The following TEX46 variants were observed in gnomAD, a reference collection of about 807,000 sequenced individuals.
TEX46 encodes testis expressed 46.
A neutral mutation model predicts 5.3 loss-of-function variants in TEX46; 6 were observed. That is an observed-to-expected ratio of 1.13 (90% CI 0.62 to 2.23). The LOEUF (loss-of-function observed/expected upper bound fraction) is 2.23, where lower values mean the gene tolerates loss of function less well. TEX46 is among the 30% of genes most tolerant of loss of function. TEX46 has a pLI of 0.00. For synonymous variants in TEX46, 41 were observed against 54.6 expected, an observed-to-expected ratio of 0.75 and a Z score of 1.10; for missense variants, 131 against 150.9, an observed-to-expected ratio of 0.87 and a Z score of 0.69.
chr1:23,015,760 G>T lies in TEX46; in HGVS notation c.2+12C>A. The T allele has an allele frequency of 1.4e-6, 1 of 697,836 alleles. No individual in the cohort carries two copies. Among genetic ancestry groups the T allele is most frequent in the South Asian group, 1.5e-5 (1 of 66,694 alleles). 43.2% of individuals were successfully genotyped at this position (697,836 alleles called of 1,614,324 possible). On this transcript the variant is annotated intron_variant, in intron 1 of 2. Transcript: ENST00000566855. ...CACAAAAAAAAAACAAATACCGTAT[G>T]ATTCCACTTACATGAGCTATCTACA...
chr1:23,013,739 A>G, intron 2 of TEX46, 144 bp downstream of exon 2: 1 of 706,312 alleles, frequency 1.4e-6, no homozygotes, highest in Non-Finnish European at 2.3e-6. Flanking sequence ...CCTAAGAGGA[A>G]GCTGTAGAGT....
Position 23,015,837 on chromosome 1 carries a change from A to AAGGAGGG in TEX46, c.-71_-65dup. 1 of 676,932 alleles carries AAGGAGGG rather than the reference A, an allele frequency of 1.5e-6. No homozygotes were observed. 41.9% of individuals were successfully genotyped at this position (676,932 alleles called of 1,614,324 possible). ...TAGAATGGTGGCTGCCAGGGTCTGG[A>AAGGAGGG]AGGAGGGGCAAATGTAGTCATTGTT... On this transcript the variant is annotated 5_prime_UTR_variant, in exon 1 of 3. Transcript: ENST00000566855.
At chr1:23,012,360 A>T (rs77675521) in intron 2 of TEX46, among the ~76,000 whole-genome samples, 5 of 10,088 alleles carry the variant, frequency 5.0e-4, no homozygotes, top group East Asian at 5.4e-3. Context: ...TAAATACATA[A>T]AAAAAAAAAA....
At position 23,010,862 on chromosome 1, in the gene TEX46, A is replaced by C. The variant is rs1641343375; in HGVS notation, c.*39T>G. 1.4e-6 allele frequency: 2 copies of C among 1,462,894 alleles called. No individual in the cohort carries two copies. The highest frequency in any genetic ancestry group is 1.8e-6 in the Non-Finnish European group (2 of 1,087,388). 90.6% of individuals were successfully genotyped at this position (1,462,894 alleles called of 1,614,324 possible). ...GCTGTGACTGGGTTTTACTGAGGTA[A>C]AAGGTAACATCGGCAGAGGCCAGCC... On this transcript the variant is annotated 3_prime_UTR_variant, in exon 3 of 3. Coordinates refer to ENST00000566855, the MANE Select transcript of TEX46 (RefSeq NM_001242521.2).
intron 2 of TEX46, among the ~76,000 whole-genome samples, chr1:23,012,669 A>G (rs1408354751): frequency 1.3e-5 from 2 of 152,174 alleles, no homozygotes; most frequent in Non-Finnish European, 2.9e-5. Flanking sequence ...TTGTCATGAA[A>G]TGGCAGGTGT....
intron 1 of TEX46, 25 bp downstream of exon 1, chr1:23,015,747 A>G (rs1438257352): frequency 5.7e-6 from 4 of 698,696 alleles, no homozygotes; most frequent in Non-Finnish European, 1.0e-5. Context: ...CAAAAAAAAA[A>G]CAAATACCGT....
At chr1:23,014,723 A>T (rs79212991) in intron 1 of TEX46, among the ~76,000 whole-genome samples, 4 of 149,090 alleles carry the variant, frequency 2.7e-5, no homozygotes, top group South Asian at 4.2e-4. Context: ...CCAGCTAATT[A>T]AAAAAAAAAA....
chr1:23,015,043 A>G (rs1355764617), intron 1 of TEX46, among the ~76,000 whole-genome samples: 1 of 151,658 alleles, frequency 6.6e-6, no homozygotes, highest in Non-Finnish European at 1.5e-5. Flanking sequence ...GGGTTTCACC[A>G]TGTTGGTCAG....
At chr1:23,015,551 T>G (rs941368735) in intron 1 of TEX46, among the ~76,000 whole-genome samples, 1 of 147,360 alleles carries the variant, frequency 6.8e-6, no homozygotes, top group Non-Finnish European at 1.5e-5. Flanking sequence ...TGTAGACCAA[T>G]GTTCACAGCA....
intron 1 of TEX46, among the ~76,000 whole-genome samples, chr1:23,014,450 T>A (rs1390374410): frequency 6.6e-6 from 1 of 152,238 alleles, no homozygotes; most frequent in Non-Finnish European, 1.5e-5. Flanking sequence ...GCCCATCTAT[T>A]GGTCACCTGA....
chr1:23,012,638 A>T (rs975312958), intron 2 of TEX46, among the ~76,000 whole-genome samples: 2 of 152,166 alleles, frequency 1.3e-5, no homozygotes, highest in Non-Finnish European at 2.9e-5. Flanking sequence ...GACATTTGGC[A>T]ATATCTGGAA....
chr1:23,015,436 CAAAAAAAAAAAAAAAAAAAAA>C (rs61258225), intron 1 of TEX46, among the ~76,000 whole-genome samples: 3 of 27,766 alleles, frequency 1.1e-4, no homozygotes, highest in Non-Finnish European at 1.7e-4. Flanking sequence ...GACTCCTTCT[CAAAAAAAAAAAAAAAAAAAAA>C]AAAAAAAAAA....
intron 2 of TEX46, 61 bp downstream of exon 2, chr1:23,013,822 C>G (rs938831353): frequency 8.2e-6 from 12 of 1,470,616 alleles, no homozygotes; most frequent in Middle Eastern, 4.1e-4. Context: ...CCCTACCCAC[C>G]TAATCTAGCT....
intron 2 of TEX46, 108 bp from the exon 3 acceptor site, chr1:23,011,209 C>T: frequency 1.3e-6 from 1 of 755,592 alleles, no homozygotes. Flanking sequence ...TCCTTTTAAG[C>T]TCCCCAGCAC....
At chr1:23,015,187 C>T (rs1339920318) in intron 1 of TEX46, among the ~76,000 whole-genome samples, 2 of 151,114 alleles carry the variant, frequency 1.3e-5, no homozygotes, top group Admixed American at 6.6e-5. Flanking sequence ...CGGTGGCTCA[C>T]GCCTGTAATC....
rs768346698 is a variant in TEX46, at chr1:23,012,658, A to G, written c.165+1225T>C. Among the ~76,000 whole-genome samples, 12 of 152,208 alleles carry G rather than the reference A, an allele frequency of 7.9e-5. No individual in the cohort carries two copies. The East Asian group carries it at 2.3e-3, about 29-fold the overall frequency. On this transcript the variant is annotated intron_variant, in intron 2 of 2. Transcript: ENST00000566855. ...TTGGCAATATCTGGAAATACTTTGGATTGTCATGAAATGGCAGGTGTGCTA... is the reference window on the plus strand; with the variant it reads ...TTGGCAATATCTGGAAATACTTTGGGTTGTCATGAAATGGCAGGTGTGCTA...
intron 2 of TEX46, among the ~76,000 whole-genome samples, chr1:23,012,226 C>T (rs1354910556): frequency 4.6e-5 from 7 of 151,932 alleles, no homozygotes; most frequent in African/African-American, 1.7e-4. Context: ...ACCTGTAGTC[C>T]CAGCTACTTG....
chr1:23,012,624 A>AG (rs1252330153), intron 2 of TEX46, among the ~76,000 whole-genome samples: 1 of 152,166 alleles, frequency 6.6e-6, no homozygotes, highest in Admixed American at 6.6e-5. Flanking sequence ...TGCCTTCCCC[A>AG]GGGGACATTT....
Position 23,013,976 on chromosome 1 carries a change from C to T in TEX46, c.72G>A (p.Lys24=). The T allele has an allele frequency of 2.0e-6, 3 of 1,536,092 alleles. No individual in the cohort carries two copies. Among genetic ancestry groups the T allele is most frequent in the Non-Finnish European group, 2.6e-6 (3 of 1,146,890 alleles). The change falls in exon 2 of 3, where the codon AAG becomes AAA. Residue 24 remains lysine (K), a synonymous_variant. Coordinates refer to ENST00000566855, the MANE Select transcript of TEX46 (RefSeq NM_001242521.2). ...GGAATAGGAACCCAAACAAGGCTGGCTTATAGCTCATCAGCCAAGCTGCCA... is the reference window on the plus strand; with the variant it reads ...GGAATAGGAACCCAAACAAGGCTGGTTTATAGCTCATCAGCCAAGCTGCCA... The part of the protein sequence containing the change: ...GAVAAWLMSY[K]PALFGFLFLL...
Sources: gnomAD v4.1 joint callset for allele counts (sites outside exome capture counted in the v4.1 genomes callset) on GRCh38, gnomAD v4.1.1 for gene constraint, MANE v1.5 for transcripts, NCBI Gene and HGNC (gene_info 2026-07-23, HGNC 2026-07-21) for gene names.